Variants in PIP4K2A observed in about 807,000 individuals in gnomAD.
PIP4K2A encodes phosphatidylinositol 5-phosphate 4-kinase type-2 alpha.
A neutral mutation model predicts 42.9 loss-of-function variants in PIP4K2A; 14 were observed. That is an observed-to-expected ratio of 0.33 (90% CI 0.22 to 0.51). The LOEUF is 0.51. Among genes scored for constraint, PIP4K2A ranks in the 20% least tolerant of loss-of-function variants. The pLI is 0.97. For missense variants in PIP4K2A, 434 were observed against 519.8 expected, an observed-to-expected ratio of 0.83 and a Z score of 1.61; for synonymous variants, 192 against 192.2, an observed-to-expected ratio of 1.00 and a Z score of 0.01.
At chr10:22,580,783 G>C (rs1056377099) in intron 4 of PIP4K2A, among the ~76,000 whole-genome samples, 4 of 152,108 alleles carry the variant, frequency 2.6e-5, no homozygotes, top group Admixed American at 2.0e-4. Flanking sequence ...TTTCAACCAC[G>C]GTCTACAAGA....
rs181546380 is a variant in PIP4K2A, at chr10:22,653,788, C to T, written c.145-44071G>A. Among the ~76,000 whole-genome samples, 31 of 152,206 alleles carry T rather than the reference C, an allele frequency of 2.0e-4. 1 individual carries two copies. The East Asian group carries it at 5.6e-3, about 28-fold the overall frequency. Reference sequence around the variant, plus strand: ...TACTCGGAGGCTGAGGCAGGAGAATCGCATGAATCCAGAAGGCGGAGGTTG... The same window carrying T: ...TACTCGGAGGCTGAGGCAGGAGAATTGCATGAATCCAGAAGGCGGAGGTTG... On this transcript the variant is annotated intron_variant, in intron 1 of 9. Coordinates refer to ENST00000376573, the MANE Select transcript of PIP4K2A (RefSeq NM_005028.5).
chr10:22,539,919 GA>G (rs1836057138), intron 9 of PIP4K2A, 51 bp downstream of exon 9: 2 of 964,248 alleles, frequency 2.1e-6, no homozygotes, highest in African/African-American at 3.7e-5. Flanking sequence ...GAGGGAGAGA[GA>G]GAGAGAGAGA....
chr10:22,698,125 T>A (rs1840007293), intron 1 of PIP4K2A, among the ~76,000 whole-genome samples: 3 of 152,124 alleles, frequency 2.0e-5, no homozygotes, highest in Admixed American at 2.0e-4. Flanking sequence ...GAGGGCAGAC[T>A]CGGGCCAGGC....
intron 1 of PIP4K2A, among the ~76,000 whole-genome samples, chr10:22,686,320 CAT>C (rs1021417494): frequency 9.9e-5 from 15 of 152,140 alleles, no homozygotes; most frequent in African/African-American, 3.6e-4. Context: ...CCCCACAAAC[CAT>C]TTGAGAGAGG....
chr10:22,580,126 G>C (rs538449440), intron 4 of PIP4K2A, among the ~76,000 whole-genome samples: 1 of 151,896 alleles, frequency 6.6e-6, no homozygotes, highest in Admixed American at 6.5e-5. Flanking sequence ...AGAGACACGG[G>C]TTGTATCTTT....
intron 1 of PIP4K2A, among the ~76,000 whole-genome samples, chr10:22,709,000 T>C (rs538373271): frequency 5.6e-4 from 85 of 152,224 alleles, no homozygotes; most frequent in African/African-American, 1.7e-3. Flanking sequence ...CCCAGGCTGG[T>C]CTCAAAATCT....
At position 22,558,846 on chromosome 10, in the gene PIP4K2A, G is replaced by A. The variant is rs143377543; in HGVS notation, c.679-8074C>T. Among the ~76,000 whole-genome samples the A allele has an allele frequency of 1.6e-4, 25 of 152,316 alleles. 1 individual carries two copies. Among genetic ancestry groups the A allele is most frequent in the African/African-American group, 5.8e-4 (24 of 41,570 alleles). The stretch of plus-strand genomic sequence containing the variant: ...GTAAGCCGCGCAAAACTGGAGAAGC[G>A]TTAAGTTATAACTGTTAGGGCTGGC... On this transcript the variant is annotated intron_variant, in intron 6 of 9. Coordinates refer to ENST00000376573, the MANE Select transcript of PIP4K2A (RefSeq NM_005028.5).
chr10:22,591,795 G>C lies in PIP4K2A; in HGVS notation c.340-14C>G. The C allele has an allele frequency of 6.3e-7, 1 of 1,597,980 alleles. No individual in the cohort carries two copies. The highest frequency in any genetic ancestry group is 8.5e-7 in the Non-Finnish European group (1 of 1,171,032). The stretch of plus-strand genomic sequence containing the variant: ...GGTCAGGGAATTCTTCCCGGGTGGG[G>C]TAAGAGGGGAAGGAAGGCGGGGGAA... On this transcript the variant is annotated splice_polypyrimidine_tract_variant and intron_variant, in intron 3 of 9. Coordinates refer to ENST00000376573, the MANE Select transcript of PIP4K2A (RefSeq NM_005028.5).
chr10:22,607,604 G>C (rs1036098502), intron 3 of PIP4K2A, among the ~76,000 whole-genome samples: 3 of 152,086 alleles, frequency 2.0e-5, no homozygotes, highest in African/African-American at 7.2e-5. Context: ...ATGTCTGACA[G>C]CAGAAATTAA....
chr10:22,590,009 C>G (rs1837476594), intron 4 of PIP4K2A, among the ~76,000 whole-genome samples: 1 of 152,154 alleles, frequency 6.6e-6, no homozygotes. Context: ...AGGTCATGAG[C>G]TTAGAGCCCT....
chr10:22,709,343 T>C lies in PIP4K2A; in HGVS notation c.144+4840A>G, dbSNP rs117517824. On this transcript the variant is annotated intron_variant, in intron 1 of 9. Transcript: ENST00000376573. ...TATCTCCATTTTAAGAATGTGAAAA[T>C]TGAGGCTCAAGTGACTAAATCACCT... Among the ~76,000 whole-genome samples, 1,127 of 152,280 alleles carry C rather than the reference T, an allele frequency of 7.4e-3. 7 individuals are homozygous for C. The highest frequency in any genetic ancestry group is 0.011 in the Non-Finnish European group (723 of 68,020).
chr10:22,710,615 A>C (rs376645449), intron 1 of PIP4K2A, among the ~76,000 whole-genome samples: 3 of 152,028 alleles, frequency 2.0e-5, no homozygotes, highest in African/African-American at 7.2e-5. Context: ...GCACTCACAC[A>C]CCCACACACT....
intron 1 of PIP4K2A, among the ~76,000 whole-genome samples, chr10:22,684,872 C>T (rs1564466884): frequency 6.6e-6 from 1 of 152,218 alleles, no homozygotes; most frequent in Non-Finnish European, 1.5e-5. Context: ...TGCTTATGGA[C>T]ATCTTGTCCA....
chr10:22,697,163 T>TA (rs1839988745), intron 1 of PIP4K2A, among the ~76,000 whole-genome samples: 3 of 151,970 alleles, frequency 2.0e-5, no homozygotes, highest in Non-Finnish European at 4.4e-5. Flanking sequence ...GGCTACTTTG[T>TA]ATGTTAAGTA....
chr10:22,714,265 T>C lies in PIP4K2A; in HGVS notation c.62A>G (p.Lys21Arg), dbSNP rs1833968739. ...CTTCACTTTCTGCGCTACGAAGTGC[T>C]TCTTCTTGGTCTTGGTCTTGCTCGC... The part of the protein sequence containing the change: ...VLASKTKTKK[K>R]HFVAQKVKLF... Residue 21 changes from lysine (K) to arginine (R), a missense_variant, in exon 1 of 10, where the codon AAG becomes AGG. Physicochemically the swap from Lys to Arg is conservative, Grantham distance 26. Transcript: ENST00000376573. 1.2e-6 allele frequency: 2 copies of C among 1,612,622 alleles called. No individual in the cohort carries two copies. The highest frequency in any genetic ancestry group is 1.7e-6 in the Non-Finnish European group (2 of 1,179,212).
At chr10:22,596,270 A>T (rs1837633739) in intron 3 of PIP4K2A, among the ~76,000 whole-genome samples, 2 of 151,480 alleles carry the variant, frequency 1.3e-5, no homozygotes, top group Admixed American at 6.6e-5. Flanking sequence ...AAATGCTGTA[A>T]AGCATGGGCC....
chr10:22,672,699 G>T (rs541559122), intron 1 of PIP4K2A, among the ~76,000 whole-genome samples: 1 of 152,220 alleles, frequency 6.6e-6, no homozygotes, highest in African/African-American at 2.4e-5. Flanking sequence ...AAGCACAAAC[G>T]CCTGGACAAC....
At chr10:22,559,011 G>T (rs747481144) in intron 6 of PIP4K2A, among the ~76,000 whole-genome samples, 2 of 152,090 alleles carry the variant, frequency 1.3e-5, no homozygotes, top group South Asian at 2.1e-4. Flanking sequence ...CACAAACTGG[G>T]ATATGACAGC....
rs373662635 is a variant in PIP4K2A, at chr10:22,658,867, G to A, written c.145-49150C>T. Among the ~76,000 whole-genome samples the A allele has an allele frequency of 5.9e-5, 9 of 152,306 alleles. No homozygotes were observed. In the East Asian group the frequency reaches 1.5e-3, roughly 26 times the overall value. ...TAGAAAAGTTACGTAACTCACCCGA[G>A]GTCACAAGGTCATATTCAATCCCAT... On this transcript the variant is annotated intron_variant, in intron 1 of 9. Coordinates refer to ENST00000376573, the MANE Select transcript of PIP4K2A (RefSeq NM_005028.5).
Sources: allele counts gnomAD v4.1 joint callset (sites outside exome capture counted in the v4.1 genomes callset), GRCh38; gene constraint gnomAD v4.1.1; transcripts MANE v1.5; gene names NCBI Gene and HGNC (gene_info 2026-07-23, HGNC 2026-07-21).